KIAA1549L: variants seen among roughly 807,000 people sequenced by gnomAD.
The protein encoded by KIAA1549L is KIAA1549 like.
A neutral mutation model predicts 160.7 loss-of-function variants in KIAA1549L; 88 were observed. The observed-to-expected ratio is 0.55, with a 90% CI of 0.46 to 0.65. The LOEUF (loss-of-function observed/expected upper bound fraction) is 0.65, where lower values mean the gene tolerates loss of function less well. Among genes scored for constraint, KIAA1549L ranks in the 30% least tolerant of loss-of-function variants. The probability of loss-of-function intolerance (pLI) is 0.00; values close to 1 mark genes in which losing one functional copy is unlikely to be tolerated. For missense variants in KIAA1549L, 2,258 were observed against 2,437.5 expected (o/e 0.93, Z 1.55); for synonymous variants, 950 against 976.7 (o/e 0.97, Z 0.51).
intron 1 of KIAA1549L, among the ~76,000 whole-genome samples, chr11:33,480,925 G>A (rs898439472): frequency 6.6e-6 from 1 of 152,172 alleles, no homozygotes; most frequent in Non-Finnish European, 1.5e-5. Context: ...GGGACATGAT[G>A]CCATCTCCAC....
At chr11:33,484,626 C>A (rs933129194) in intron 1 of KIAA1549L, among the ~76,000 whole-genome samples, 6 of 152,166 alleles carry the variant, frequency 3.9e-5, no homozygotes, top group African/African-American at 1.4e-4. Context: ...AAGGGCTTTG[C>A]ACCATGCTGG....
intron 1 of KIAA1549L, among the ~76,000 whole-genome samples, chr11:33,501,007 A>C (rs1456739035): frequency 2.0e-5 from 3 of 152,114 alleles, no homozygotes; most frequent in African/African-American, 4.8e-5. Flanking sequence ...CCAAAAAAAA[A>C]CCAAAGACAT....
intron 19 of KIAA1549L, 89 bp downstream of exon 19, chr11:33,658,987 C>T: frequency 7.5e-7 from 1 of 1,326,600 alleles, no homozygotes; most frequent in Non-Finnish European, 1.0e-6. Context: ...CTCCTTTCTA[C>T]CTACCACCCT....
intron 16 of KIAA1549L, among the ~76,000 whole-genome samples, chr11:33,639,186 A>G (rs1000013915): frequency 6.6e-6 from 1 of 152,178 alleles, no homozygotes; most frequent in African/African-American, 2.4e-5. Flanking sequence ...CAGGGCTACA[A>G]TTTTCTTCAA....
intron 1 of KIAA1549L, among the ~76,000 whole-genome samples, chr11:33,453,915 G>A (rs2132979857): frequency 6.6e-6 from 1 of 152,296 alleles, no homozygotes; most frequent in Admixed American, 6.5e-5. Flanking sequence ...GCCAGGCAAA[G>A]TATTGGAGGG....
intron 1 of KIAA1549L, among the ~76,000 whole-genome samples, chr11:33,457,547 A>G (rs1851854550): frequency 6.6e-6 from 1 of 152,232 alleles, no homozygotes; most frequent in Non-Finnish European, 1.5e-5. Context: ...GTGGTATTTC[A>G]GTCAATGTGG....
At chr11:33,407,538 G>T (rs1047410406) in intron 1 of KIAA1549L, among the ~76,000 whole-genome samples, 1 of 151,882 alleles carries the variant, frequency 6.6e-6, no homozygotes, top group Admixed American at 6.6e-5. Context: ...CAGTAGAGAC[G>T]GGGTTTCACC....
At chr11:33,658,622 A>T in intron 18 of KIAA1549L, 128 bp from the exon 19 acceptor site, 3 of 858,704 alleles carry the variant, frequency 3.5e-6, no homozygotes, top group Admixed American at 2.6e-5. Context: ...GAATAAATCC[A>T]GTCCTGGGGA....
intron 13 of KIAA1549L, among the ~76,000 whole-genome samples, chr11:33,604,058 G>A (rs535960996): frequency 2.6e-5 from 4 of 152,300 alleles, no homozygotes; most frequent in Non-Finnish European, 5.9e-5. Flanking sequence ...GATAGAGGGA[G>A]AAGAGGGAAA....
At chr11:33,520,313 A>G (rs536892842) in intron 1 of KIAA1549L, among the ~76,000 whole-genome samples, 1 of 152,182 alleles carries the variant, frequency 6.6e-6, no homozygotes, top group Non-Finnish European at 1.5e-5. Flanking sequence ...GCCCCTAGTA[A>G]CCACTATTCT....
At position 33,667,968 on chromosome 11, in the gene KIAA1549L, C is replaced by T; in HGVS notation, c.6255C>T (p.Asn2085=). The T allele has an allele frequency of 1.2e-6, 2 of 1,613,968 alleles. No individual in the cohort carries two copies. Among genetic ancestry groups the T allele is most frequent in the Non-Finnish European group, 1.7e-6 (2 of 1,179,914 alleles). ...CTCGTCAGTACAGCCAGCCAGCCAA[C>T]CTGCACCCCAGCCTGGAGCAGGCCC... ...RLPRQYSQPA[N]LHPSLEQAPA... Residue 2085 remains asparagine (N), a synonymous_variant, in exon 21 of 21, where the codon AAC becomes AAT. Coordinates refer to ENST00000658780, the MANE Select transcript of KIAA1549L (RefSeq NM_012194.3).
At chr11:33,550,566 T>C (rs1442658249) in intron 4 of KIAA1549L, among the ~76,000 whole-genome samples, 1 of 152,194 alleles carries the variant, frequency 6.6e-6, no homozygotes, top group Non-Finnish European at 1.5e-5. Flanking sequence ...GTCTTCTCTC[T>C]GCTTCTAGAA....
At chr11:33,416,713 G>A (rs553035523) in intron 1 of KIAA1549L, among the ~76,000 whole-genome samples, 89 of 152,260 alleles carry the variant, frequency 5.8e-4, no homozygotes, top group African/African-American at 1.9e-3. Flanking sequence ...AGGGACATCC[G>A]TGATTCAAAA....
chr11:33,530,437 ATATAT>A (rs1356854806), intron 1 of KIAA1549L, among the ~76,000 whole-genome samples: 2 of 3,186 alleles, frequency 6.3e-4, no homozygotes, highest in African/African-American at 1.0e-3. Flanking sequence ...AAAAAAAAAA[ATATAT>A]ATATATATAT....
chr11:33,630,464 G>A (rs982837518), intron 16 of KIAA1549L, among the ~76,000 whole-genome samples: 2 of 152,280 alleles, frequency 1.3e-5, no homozygotes, highest in African/African-American at 4.8e-5. Flanking sequence ...CGAGCCAGGT[G>A]CGGGATATAA....
intron 4 of KIAA1549L, among the ~76,000 whole-genome samples, chr11:33,549,237 C>A (rs1376990987): frequency 6.6e-6 from 1 of 152,006 alleles, no homozygotes; most frequent in Non-Finnish European, 1.5e-5. Flanking sequence ...AAATCAAAAT[C>A]ATTTGCCACA....
At chr11:33,604,960 G>C (rs1850459405) in intron 13 of KIAA1549L, among the ~76,000 whole-genome samples, 1 of 152,088 alleles carries the variant, frequency 6.6e-6, no homozygotes, top group African/African-American at 2.4e-5. Context: ...GTTTAAAAAA[G>C]AGAAAAATGA....
chr11:33,420,888 C>T (rs923434969), intron 1 of KIAA1549L, among the ~76,000 whole-genome samples: 1 of 152,074 alleles, frequency 6.6e-6, no homozygotes, highest in Admixed American at 6.6e-5. Context: ...TGAGTTAATG[C>T]AGTGGTCCCA....
chr11:33,425,638 C>T (rs544929442), intron 1 of KIAA1549L, among the ~76,000 whole-genome samples: 2 of 152,340 alleles, frequency 1.3e-5, no homozygotes, highest in South Asian at 4.1e-4. Context: ...CAAGTCCTCT[C>T]ACTTGCTGTA....
Sources: gnomAD v4.1 joint callset for allele counts (sites outside exome capture counted in the v4.1 genomes callset) on GRCh38, gnomAD v4.1.1 for gene constraint, MANE v1.5 for transcripts, NCBI Gene and HGNC (gene_info 2026-07-23, HGNC 2026-07-21) for gene names.